The following ASTN2 variants were observed in gnomAD, a reference collection of about 807,000 sequenced individuals.
ASTN2 encodes the protein astrotactin 2.
A neutral mutation model predicts 139.8 loss-of-function variants in ASTN2; 54 were observed. That is an observed-to-expected ratio of 0.39 (90% confidence interval 0.31 to 0.48). The LOEUF is 0.48. ASTN2 is among the 20% of genes least tolerant of loss of function. The pLI is 0.95. For synonymous variants in ASTN2, 756 were observed against 719.5 expected, an observed-to-expected ratio of 1.05 and a Z score of -0.81; for missense variants, 1,565 against 1,725.1, an observed-to-expected ratio of 0.91 and a Z score of 1.64.
At position 116,677,348 on chromosome 9, in the gene ASTN2, G is replaced by A. The variant is rs183596076; in HGVS notation, c.2807-25555C>T. On this transcript the variant is annotated intron_variant, in intron 16 of 22. Coordinates refer to ENST00000313400, the MANE Select transcript of ASTN2 (RefSeq NM_001365068.1). ...CCTCTGTTTTCTTCATTAAAATCTA[G>A]TAATTAAAAGTGGATGGATCCCTCT... 3.9e-5 allele frequency among the ~76,000 whole-genome samples: 6 copies of A among 152,262 alleles called. No homozygotes were observed. In the East Asian group the frequency reaches 5.8e-4, roughly 15 times the overall value.
intron 20 of ASTN2, among the ~76,000 whole-genome samples, chr9:116,475,984 C>A (rs1239674185): frequency 6.6e-6 from 1 of 152,194 alleles, no homozygotes; most frequent in South Asian, 2.1e-4. Context: ...ATATTAGTTT[C>A]TTAGGGCTAC....
In ASTN2 at chr9:116,810,919, C is replaced by T. The variant is rs1004536901; in HGVS notation, c.2208-5099G>A. On this transcript the variant is annotated intron_variant, in intron 12 of 22. Coordinates refer to ENST00000313400, the MANE Select transcript of ASTN2 (RefSeq NM_001365068.1). ...TTCTATATCCTCATGACTCAAACTT[C>T]GTAATTTATATTTTCTAACATTATA... Among the ~76,000 whole-genome samples, 5 of 152,048 alleles carry T rather than the reference C, an allele frequency of 3.3e-5. No individual in the cohort carries two copies. In the East Asian group the frequency reaches 7.7e-4, roughly 23 times the overall value.
intron 5 of ASTN2, among the ~76,000 whole-genome samples, chr9:117,071,246 G>T (rs979544831): frequency 6.6e-6 from 1 of 151,506 alleles, no homozygotes; most frequent in Non-Finnish European, 1.5e-5. Flanking sequence ...ACCCTCAGCT[G>T]CAGGTCTGTT....
chr9:117,262,423 T>TA (rs1554713370), intron 2 of ASTN2, among the ~76,000 whole-genome samples: 46 of 151,890 alleles, frequency 3.0e-4, no homozygotes, highest in East Asian at 1.4e-3. Flanking sequence ...ATTTATTTTT[T>TA]ATCTCCTTAG....
At chr9:116,847,305 G>A (rs1300254450) in intron 11 of ASTN2, among the ~76,000 whole-genome samples, 1 of 152,046 alleles carries the variant, frequency 6.6e-6, no homozygotes, top group Non-Finnish European at 1.5e-5. Flanking sequence ...TAGTAGAGAC[G>A]GCGTTTCACT....
intron 13 of ASTN2, among the ~76,000 whole-genome samples, chr9:116,735,546 G>A (rs751146796): frequency 1.1e-4 from 17 of 152,176 alleles, no homozygotes; most frequent in Non-Finnish European, 2.1e-4. Context: ...TGTGCTGGGT[G>A]GTGCTAAGAA....
At chr9:116,806,580 A>G (rs1224412411) in intron 12 of ASTN2, among the ~76,000 whole-genome samples, 1 of 152,184 alleles carries the variant, frequency 6.6e-6, no homozygotes, top group Non-Finnish European at 1.5e-5. Flanking sequence ...GCTAAGCACT[A>G]GGAGTATGGT....
chr9:117,004,860 A>C (rs1206895404), intron 7 of ASTN2, among the ~76,000 whole-genome samples: 1 of 152,146 alleles, frequency 6.6e-6, no homozygotes, highest in Non-Finnish European at 1.5e-5. Flanking sequence ...AACCTTGGTA[A>C]GTTCCTTTTT....
At chr9:117,405,563 T>A (rs185726474) in intron 1 of ASTN2, among the ~76,000 whole-genome samples, 1 of 152,294 alleles carries the variant, frequency 6.6e-6, no homozygotes, top group East Asian at 1.9e-4. Context: ...TGTCCCCAGT[T>A]TCCCAGCTGC....
chr9:117,198,901 G>C (rs900280205), intron 3 of ASTN2, among the ~76,000 whole-genome samples: 1 of 152,108 alleles, frequency 6.6e-6, no homozygotes, highest in Non-Finnish European at 1.5e-5. Flanking sequence ...ATGTTGGGCT[G>C]TTTTTCATAT....
intron 10 of ASTN2, among the ~76,000 whole-genome samples, chr9:116,870,124 T>C (rs1214512237): frequency 6.6e-6 from 1 of 151,144 alleles, no homozygotes; most frequent in East Asian, 1.9e-4. Context: ...TGAGACCCTG[T>C]CTCAAAAAAA....
At chr9:116,694,388 G>A (rs1046603648) in intron 16 of ASTN2, among the ~76,000 whole-genome samples, 5 of 151,538 alleles carry the variant, frequency 3.3e-5, no homozygotes, top group Admixed American at 2.6e-4. Context: ...TGTCCCAGAT[G>A]ATAGAAGAGA....
At chr9:117,014,160 T>C (rs2132598398) in intron 6 of ASTN2, among the ~76,000 whole-genome samples, 1 of 152,146 alleles carries the variant, frequency 6.6e-6, no homozygotes, top group African/African-American at 2.4e-5. Flanking sequence ...AAACAAACTG[T>C]GTGATGAAGC....
At chr9:116,620,679 G>A (rs1432873594) in intron 17 of ASTN2, among the ~76,000 whole-genome samples, 1 of 152,132 alleles carries the variant, frequency 6.6e-6, no homozygotes, top group African/African-American at 2.4e-5. Flanking sequence ...TATATCCATT[G>A]ATAGTGTCCC....
At chr9:116,715,454 G>A (rs112175643) in intron 16 of ASTN2, among the ~76,000 whole-genome samples, 3 of 152,002 alleles carry the variant, frequency 2.0e-5, no homozygotes, top group African/African-American at 4.8e-5. Flanking sequence ...GTCTCCTTGC[G>A]TGGAGTCTCC....
chr9:116,896,217 G>A (rs1182013729), intron 10 of ASTN2, among the ~76,000 whole-genome samples: 2 of 152,222 alleles, frequency 1.3e-5, no homozygotes, highest in African/African-American at 4.8e-5. Flanking sequence ...CAGGAAGCAA[G>A]TGAGGGACTG....
chr9:116,460,513 G>C (rs778469848), intron 20 of ASTN2, among the ~76,000 whole-genome samples: 1 of 151,960 alleles, frequency 6.6e-6, no homozygotes, highest in Non-Finnish European at 1.5e-5. Flanking sequence ...TTTTATTTTT[G>C]AGTTTGAGCA....
At chr9:116,776,144 C>T (rs1830084005) in intron 13 of ASTN2, among the ~76,000 whole-genome samples, 1 of 152,150 alleles carries the variant, frequency 6.6e-6, no homozygotes, top group Non-Finnish European at 1.5e-5. Flanking sequence ...GTAGAGCTAG[C>T]TCTTCTCACT....
At chr9:116,977,919 A>G (rs767323401) in intron 7 of ASTN2, among the ~76,000 whole-genome samples, 5 of 151,748 alleles carry the variant, frequency 3.3e-5, no homozygotes, top group Non-Finnish European at 4.4e-5. Flanking sequence ...GTTTTGTTAT[A>G]TTGACCAGGC....
Sources: gnomAD v4.1 joint callset for allele counts (sites outside exome capture counted in the v4.1 genomes callset) on GRCh38, gnomAD v4.1.1 for gene constraint, MANE v1.5 for transcripts, NCBI Gene and HGNC (gene_info 2026-07-23, HGNC 2026-07-21) for gene names.